The following TBC1D5 variants were observed in gnomAD, a reference collection of about 807,000 sequenced individuals.
TBC1D5 encodes TBC1 domain family, member 5.
A neutral mutation model predicts 100.3 loss-of-function variants in TBC1D5; 75 were observed. The observed-to-expected ratio is 0.75, with a 90% CI of 0.62 to 0.91. The LOEUF is 0.91. Among genes scored for constraint, TBC1D5 ranks in the 40% least tolerant of loss-of-function variants. TBC1D5 has a pLI of 0.00. For synonymous variants in TBC1D5, 323 were observed against 325.6 expected (o/e 0.99, Z 0.09); for missense variants, 910 against 942.4 (o/e 0.97, Z 0.45).
chr3:17,568,006 T>C (rs1215002777), intron 2 of TBC1D5, among the ~76,000 whole-genome samples: 2 of 151,630 alleles, frequency 1.3e-5, no homozygotes, highest in African/African-American at 4.8e-5. Context: ...ATACTAATTC[T>C]GCTTTCCTTC....
At chr3:17,485,243 C>T (rs1469787142) in intron 3 of TBC1D5, among the ~76,000 whole-genome samples, 1 of 151,426 alleles carries the variant, frequency 6.6e-6, no homozygotes, top group Admixed American at 6.6e-5. Flanking sequence ...ACTTTCTATG[C>T]TCTCTATATT....
At chr3:17,570,545 C>T (rs2096620531) in intron 2 of TBC1D5, among the ~76,000 whole-genome samples, 1 of 151,992 alleles carries the variant, frequency 6.6e-6, no homozygotes. Flanking sequence ...ATACCCACTA[C>T]CTAGATTCTA....
chr3:17,219,774 T>C (rs928207651), intron 17 of TBC1D5, among the ~76,000 whole-genome samples: 4 of 152,074 alleles, frequency 2.6e-5, no homozygotes, highest in East Asian at 3.8e-4. Flanking sequence ...TAAGCTAATA[T>C]GCCATAAAAC....
intron 2 of TBC1D5, among the ~76,000 whole-genome samples, chr3:17,565,291 A>G (rs906730370): frequency 3.3e-5 from 5 of 152,150 alleles, no homozygotes. Context: ...AAAGTCCTTA[A>G]GGAGTATCAG....
At chr3:17,681,331 G>A (rs1330741623) in intron 1 of TBC1D5, among the ~76,000 whole-genome samples, 2 of 151,430 alleles carry the variant, frequency 1.3e-5, no homozygotes, top group Admixed American at 6.6e-5. Flanking sequence ...GTACAAATAC[G>A]CCACTCTGGT....
chr3:17,681,083 T>G (rs2069391206), intron 1 of TBC1D5, among the ~76,000 whole-genome samples: 1 of 151,474 alleles, frequency 6.6e-6, no homozygotes, highest in Admixed American at 6.6e-5. Flanking sequence ...TTGTCATAAT[T>G]ATAAAGAAGC....
At chr3:17,605,712 T>A (rs1275925944) in intron 2 of TBC1D5, among the ~76,000 whole-genome samples, 1 of 152,236 alleles carries the variant, frequency 6.6e-6, no homozygotes, top group African/African-American at 2.4e-5. Context: ...AGCATACCAG[T>A]AAATATTAAC....
intron 1 of TBC1D5, among the ~76,000 whole-genome samples, chr3:17,732,898 A>G (rs2076682158): frequency 6.6e-6 from 1 of 152,172 alleles, no homozygotes. Context: ...AGTGGAATAC[A>G]TGATTGCCAC....
At chr3:17,660,365 C>A (rs2066519682) in intron 1 of TBC1D5, among the ~76,000 whole-genome samples, 1 of 152,172 alleles carries the variant, frequency 6.6e-6, no homozygotes, top group African/African-American at 2.4e-5. Flanking sequence ...TCAGGAGAAG[C>A]TGACCTACCC....
In TBC1D5 at chr3:17,722,112, T is replaced by C. The variant is rs373327299; in HGVS notation, c.-101+17231A>G. Among the ~76,000 whole-genome samples the C allele has an allele frequency of 2.0e-5, 3 of 152,320 alleles. No homozygotes were observed. The East Asian group carries it at 5.8e-4, about 29-fold the overall frequency. On this transcript the variant is annotated intron_variant, in intron 1 of 21. Coordinates refer to ENST00000253692, the Ensembl canonical transcript of TBC1D5. ...AACAGGTAAAGCCTTATTCTGATAT[T>C]TTCTTGCCTTCAAAAAAAAGTATCA...
At chr3:17,297,632 T>C (rs1022808285) in intron 14 of TBC1D5, among the ~76,000 whole-genome samples, 17 of 152,044 alleles carry the variant, frequency 1.1e-4, no homozygotes, top group Admixed American at 9.8e-4. Flanking sequence ...ACCCAGGCTA[T>C]AGTCCAGTAG....
chr3:17,198,695 C>T (rs114594865), intron 18 of TBC1D5, among the ~76,000 whole-genome samples: 77 of 152,196 alleles, frequency 5.1e-4, no homozygotes, highest in African/African-American at 1.5e-3. Context: ...GGGAAGAGTT[C>T]GTTCTGGGAA....
intron 1 of TBC1D5, among the ~76,000 whole-genome samples, chr3:17,705,381 G>A (rs2073973183): frequency 1.5e-5 from 2 of 135,214 alleles, no homozygotes. Context: ...CGGGGTGGCT[G>A]CCGGGCGGAG....
At chr3:17,388,436 T>C (rs553814842) in intron 8 of TBC1D5, among the ~76,000 whole-genome samples, 147 of 152,230 alleles carry the variant, frequency 9.7e-4, no homozygotes, top group Middle Eastern at 3.4e-3. Context: ...TCAGCACTAA[T>C]AATTTCTTGT....
chr3:17,207,103 T>G (rs2072305698), intron 18 of TBC1D5, among the ~76,000 whole-genome samples: 1 of 152,126 alleles, frequency 6.6e-6, no homozygotes, highest in Non-Finnish European at 1.5e-5. Context: ...CCCAGCTAAT[T>G]TTTTTGTTAA....
intron 1 of TBC1D5, among the ~76,000 whole-genome samples, chr3:17,680,555 T>C (rs1577425449): frequency 6.6e-6 from 1 of 151,344 alleles, no homozygotes; most frequent in East Asian, 1.9e-4. Flanking sequence ...GGCTTTCCTA[T>C]ATATGATCTT....
chr3:17,717,590 G>A (rs2075343449), intron 1 of TBC1D5, among the ~76,000 whole-genome samples: 1 of 152,126 alleles, frequency 6.6e-6, no homozygotes, highest in Admixed American at 6.5e-5. Context: ...GAACAGTCTT[G>A]TTACACATGT....
intron 2 of TBC1D5, among the ~76,000 whole-genome samples, chr3:17,566,880 A>T (rs2096597091): frequency 6.6e-6 from 1 of 151,826 alleles, no homozygotes; most frequent in Non-Finnish European, 1.5e-5. Context: ...GACACTAGAG[A>T]TTGCTCTTAG....
chr3:17,412,259 G>A (rs1379793072), intron 4 of TBC1D5, among the ~76,000 whole-genome samples: 2 of 151,580 alleles, frequency 1.3e-5, no homozygotes, highest in East Asian at 1.9e-4. Flanking sequence ...GAGTAGAAAT[G>A]ATTACTGCAA....
Sources: gnomAD v4.1 joint callset for allele counts (sites outside exome capture counted in the v4.1 genomes callset) on GRCh38, gnomAD v4.1.1 for gene constraint, MANE v1.5 for transcripts, NCBI Gene and HGNC (gene_info 2026-07-23, HGNC 2026-07-21) for gene names.